Variants in GRIA2 observed in about 807,000 individuals in gnomAD.
GRIA2 encodes the protein glutamate ionotropic receptor AMPA type subunit 2.
A neutral mutation model predicts 97.3 loss-of-function variants in GRIA2; 14 were observed. That is an observed-to-expected ratio of 0.14 (90% CI 0.10 to 0.23). The LOEUF is 0.23. GRIA2 is among the 10% of genes least tolerant of loss of function. GRIA2 has a pLI of 1.00. For missense variants in GRIA2, 558 were observed against 1,069.8 expected (o/e 0.52, Z 6.67); for synonymous variants, 412 against 387.8 (o/e 1.06, Z -0.73).
intron 6 of GRIA2, among the ~76,000 whole-genome samples, chr4:157,329,434 A>T (rs1734951308): frequency 6.6e-6 from 1 of 152,002 alleles, no homozygotes; most frequent in Non-Finnish European, 1.5e-5. Flanking sequence ...TATGTTACAT[A>T]AAACACTATT....
chr4:157,355,935 AT>A (rs1560781168), intron 12 of GRIA2, among the ~76,000 whole-genome samples: 2 of 34,130 alleles, frequency 5.9e-5, no homozygotes, highest in Non-Finnish European at 9.5e-5. Context: ...ATATATATTT[AT>A]ATATTAATAT....
chr4:157,257,475 T>A (rs373861315), intron 2 of GRIA2, among the ~76,000 whole-genome samples: 1 of 152,108 alleles, frequency 6.6e-6, no homozygotes, highest in Non-Finnish European at 1.5e-5. Context: ...CTAAATATTA[T>A]TCATAATAGA....
At chr4:157,261,904 ACCT>A (rs1234941197) in intron 2 of GRIA2, among the ~76,000 whole-genome samples, 17 of 152,152 alleles carry the variant, frequency 1.1e-4, no homozygotes, top group Middle Eastern at 6.8e-3. Context: ...TCTGTGGAAG[ACCT>A]AGGATTTTAT....
At chr4:157,227,125 G>T (rs1269919698) in intron 2 of GRIA2, among the ~76,000 whole-genome samples, 1 of 152,114 alleles carries the variant, frequency 6.6e-6, no homozygotes, top group Non-Finnish European at 1.5e-5. Flanking sequence ...AACTATAGAG[G>T]CTTAAATTAG....
Position 157,355,925 on chromosome 4 carries a change from ATATATATTTATATATTAATATATATT to A in GRIA2, c.2044-3959_2044-3934del, listed in dbSNP as rs1560781107. 5.2e-5 allele frequency among the ~76,000 whole-genome samples: 3 copies of A among 57,324 alleles called. 1 individual carries two copies. Among genetic ancestry groups the A allele is most frequent in the African/African-American group, 7.0e-5 (1 of 14,216 alleles). The allele number at this position is 57,324 out of a possible 152,430, so 37.6% of individuals were successfully genotyped here. ...TAAATATATATATATTAATATATTTATATATATTTATATATTAATATATATTTATATATTTATGTATATTAATATAT... is the reference window on the plus strand; with the variant it reads ...TAAATATATATATATTAATATATTTATATATATTTATGTATATTAATATAT... On this transcript the variant is annotated intron_variant, in intron 12 of 15. Coordinates refer to ENST00000264426, the MANE Select transcript of GRIA2 (RefSeq NM_001083619.3).
intron 12 of GRIA2, chr4:157,342,368 TAC>T: frequency 2.0e-6 from 2 of 985,176 alleles, no homozygotes; most frequent in Non-Finnish European, 2.4e-6. Context: ...CAGCTGAAGA[TAC>T]TATGGGAGAA....
At chr4:157,359,734 T>A (rs1282161811) in intron 12 of GRIA2, among the ~76,000 whole-genome samples, 162 bp from the exon 13 acceptor site, 1 of 152,122 alleles carries the variant, frequency 6.6e-6, no homozygotes, top group African/African-American at 2.4e-5. Flanking sequence ...ATAATAACAA[T>A]TTCATAGAAT....
chr4:157,223,379 C>A (rs76568376), intron 2 of GRIA2, among the ~76,000 whole-genome samples: 4,806 of 151,976 alleles, frequency 0.032, 102 homozygotes, highest in Non-Finnish European at 0.049. Flanking sequence ...GAAAGAAGGG[C>A]GGGTGTGGGG....
At chr4:157,222,761 G>T (rs969425546) in intron 2 of GRIA2, among the ~76,000 whole-genome samples, 1 of 152,216 alleles carries the variant, frequency 6.6e-6, no homozygotes, top group South Asian at 2.1e-4. Flanking sequence ...AGTGCTCCGG[G>T]ACTCGCTGGG....
intron 2 of GRIA2, among the ~76,000 whole-genome samples, chr4:157,235,756 G>A (rs1730215769): frequency 1.3e-5 from 2 of 151,718 alleles, no homozygotes; most frequent in South Asian, 4.2e-4. Flanking sequence ...TTCTTTCATT[G>A]CCACAATCTC....
At chr4:157,348,675 G>T (rs193197361) in intron 12 of GRIA2, among the ~76,000 whole-genome samples, 1 of 152,226 alleles carries the variant, frequency 6.6e-6, no homozygotes, top group East Asian at 1.9e-4. Context: ...ATGTTTTATA[G>T]ATTTTAAAAT....
intron 2 of GRIA2, among the ~76,000 whole-genome samples, chr4:157,286,960 T>G (rs1732874245): frequency 6.6e-6 from 1 of 151,636 alleles, no homozygotes; most frequent in Admixed American, 6.6e-5. Flanking sequence ...TTGAGTTGTG[T>G]TTTCTAAAAT....
intron 12 of GRIA2, among the ~76,000 whole-genome samples, chr4:157,348,993 T>A (rs560834809): frequency 1.4e-3 from 206 of 152,318 alleles, no homozygotes; most frequent in African/African-American, 4.8e-3. Flanking sequence ...TTCTGACTAG[T>A]CTTTCATTCC....
chr4:157,309,214 AG>A (rs1416571168), intron 3 of GRIA2, among the ~76,000 whole-genome samples: 1 of 152,152 alleles, frequency 6.6e-6, no homozygotes, highest in Admixed American at 6.6e-5. Flanking sequence ...ATAATATGTA[AG>A]TTTTGTTAGG....
At chr4:157,304,645 A>G (rs1451193054) in intron 3 of GRIA2, among the ~76,000 whole-genome samples, 1 of 152,138 alleles carries the variant, frequency 6.6e-6, no homozygotes, top group African/African-American at 2.4e-5. Flanking sequence ...CAAAGCGGTG[A>G]GGGACAACGA....
intron 2 of GRIA2, among the ~76,000 whole-genome samples, chr4:157,267,551 A>T (rs1282163045): frequency 6.6e-6 from 1 of 152,098 alleles, no homozygotes; most frequent in African/African-American, 2.4e-5. Flanking sequence ...TCTAGTTAAC[A>T]TTAAACATTT....
chr4:157,349,556 C>T (rs555663408), intron 12 of GRIA2, among the ~76,000 whole-genome samples: 1 of 147,782 alleles, frequency 6.8e-6, no homozygotes, highest in East Asian at 2.1e-4. Flanking sequence ...GGCAGTGGGA[C>T]ATATAGAGAT....
intron 14 of GRIA2, chr4:157,362,321 G>T (rs1736665252): frequency 4.4e-6 from 2 of 451,232 alleles, no homozygotes; most frequent in South Asian, 1.6e-5. Flanking sequence ...TTGGAAATGT[G>T]GTCAGTCCTC....
At chr4:157,260,225 C>G (rs1318323140) in intron 2 of GRIA2, among the ~76,000 whole-genome samples, 1 of 152,090 alleles carries the variant, frequency 6.6e-6, no homozygotes, top group African/African-American at 2.4e-5. Flanking sequence ...CATTCATTCT[C>G]TCTCTCCCAG....
Sources: allele counts gnomAD v4.1 joint callset (sites outside exome capture counted in the v4.1 genomes callset), GRCh38; gene constraint gnomAD v4.1.1; transcripts MANE v1.5; gene names NCBI Gene and HGNC (gene_info 2026-07-23, HGNC 2026-07-21).